Variants in FHIT observed in about 807,000 individuals in gnomAD.
The protein encoded by FHIT is fragile histidine triad diadenosine triphosphatase.
Under a neutral mutation model 17.9 loss-of-function variants are expected in FHIT, and 19 were observed. The ratio of observed to expected loss-of-function variants is 1.06; its 90% CI spans 0.74 to 1.56. FHIT has a LOEUF of 1.56. FHIT is among the 40% of genes most tolerant of loss of function. The probability of loss-of-function intolerance (pLI) is 0.00; values close to 1 mark genes in which losing one functional copy is unlikely to be tolerated. For synonymous variants in FHIT, 81 were observed against 69.7 expected, an observed-to-expected ratio of 1.16 and a Z score of -0.81; for missense variants, 248 against 189.2, an observed-to-expected ratio of 1.31 and a Z score of -1.82.
chr3:60,427,394 CA>C (rs764530179), intron 5 of FHIT, among the ~76,000 whole-genome samples: 18 of 152,084 alleles, frequency 1.2e-4, no homozygotes, highest in Non-Finnish European at 1.9e-4. Context: ...AGTCAACTGA[CA>C]CCTTGATTTC....
chr3:60,801,362 C>T (rs1701180377), intron 4 of FHIT, among the ~76,000 whole-genome samples: 1 of 152,320 alleles, frequency 6.6e-6, no homozygotes, highest in African/African-American at 2.4e-5. Context: ...AACCTGGTTT[C>T]CACAGCGACA....
chr3:61,032,941 G>T (rs2033076889), intron 3 of FHIT, among the ~76,000 whole-genome samples: 1 of 152,162 alleles, frequency 6.6e-6, no homozygotes, highest in Admixed American at 6.5e-5. Flanking sequence ...AGTCCCTTTG[G>T]ATCAAAGGCC....
chr3:60,486,143 C>T (rs1022486144), intron 5 of FHIT, among the ~76,000 whole-genome samples: 1 of 152,014 alleles, frequency 6.6e-6, no homozygotes, highest in Non-Finnish European at 1.5e-5. Context: ...AAAAAGACAC[C>T]ATTTCCTCAA....
chr3:61,038,980 T>A (rs528041832), intron 3 of FHIT, among the ~76,000 whole-genome samples: 1 of 152,290 alleles, frequency 6.6e-6, no homozygotes, highest in East Asian at 1.9e-4. Flanking sequence ...GCCTGCTCTA[T>A]GTGTTAGATA....
At chr3:60,733,768 G>A (rs782215217) in intron 4 of FHIT, among the ~76,000 whole-genome samples, 2 of 152,036 alleles carry the variant, frequency 1.3e-5, no homozygotes, top group Non-Finnish European at 2.9e-5. Context: ...TTCTAATGCC[G>A]AGGACCCTTG....
intron 3 of FHIT, among the ~76,000 whole-genome samples, chr3:61,007,660 T>C (rs1274639264): frequency 1.3e-5 from 2 of 152,138 alleles, no homozygotes; most frequent in Non-Finnish European, 2.9e-5. Flanking sequence ...GGTTCCCTTA[T>C]GCATGCAAAT....
At chr3:59,769,951 G>A (rs1330280223) in intron 8 of FHIT, among the ~76,000 whole-genome samples, 1 of 152,166 alleles carries the variant, frequency 6.6e-6, no homozygotes, top group Non-Finnish European at 1.5e-5. Context: ...AATTCTGATG[G>A]TCAAATGACA....
chr3:59,928,037 C>G (rs78831276), intron 7 of FHIT, among the ~76,000 whole-genome samples: 1 of 151,910 alleles, frequency 6.6e-6, no homozygotes, highest in Admixed American at 6.5e-5. Flanking sequence ...TGGCTCATGG[C>G]GGGGGAAAGA....
chr3:61,106,849 T>G (rs2036005756), intron 2 of FHIT, among the ~76,000 whole-genome samples: 2 of 152,006 alleles, frequency 1.3e-5, no homozygotes, highest in African/African-American at 4.8e-5. Context: ...TTAGTAGAGA[T>G]AGGGTTTCAT....
At chr3:59,896,022 G>T (rs550829674) in intron 8 of FHIT, among the ~76,000 whole-genome samples, 2 of 152,134 alleles carry the variant, frequency 1.3e-5, no homozygotes, top group African/African-American at 4.8e-5. Context: ...AAGTCAACTC[G>T]TCAGAGAAAT....
chr3:60,841,983 C>T (rs1420360168), intron 3 of FHIT, among the ~76,000 whole-genome samples: 5 of 152,064 alleles, frequency 3.3e-5, no homozygotes, highest in African/African-American at 9.7e-5. Flanking sequence ...AGATGTGAAT[C>T]GAACTACATC....
intron 3 of FHIT, among the ~76,000 whole-genome samples, chr3:61,039,530 A>T (rs1246522231): frequency 6.6e-6 from 1 of 152,224 alleles, no homozygotes; most frequent in African/African-American, 2.4e-5. Context: ...GCCATAAAAA[A>T]GGATGACTTC....
At chr3:60,142,446 A>G (rs1700077379) in intron 5 of FHIT, among the ~76,000 whole-genome samples, 1 of 152,118 alleles carries the variant, frequency 6.6e-6, no homozygotes. Context: ...TTTTATTTAT[A>G]TATTTCTTCT....
chr3:60,037,874 C>T (rs1019574228), intron 5 of FHIT, among the ~76,000 whole-genome samples: 6 of 151,664 alleles, frequency 4.0e-5, no homozygotes, highest in Non-Finnish European at 8.8e-5. Flanking sequence ...CTGCCATGCC[C>T]GGCTAATTTT....
At chr3:61,093,244 GGA>G (rs57916294) in intron 2 of FHIT, among the ~76,000 whole-genome samples, 8 of 150,714 alleles carry the variant, frequency 5.3e-5, no homozygotes, top group East Asian at 1.9e-4. Context: ...TTCTATGTAT[GGA>G]GAGAGAGAGA....
intron 7 of FHIT, among the ~76,000 whole-genome samples, chr3:59,987,604 T>C (rs1001070594): frequency 6.6e-6 from 1 of 152,058 alleles, no homozygotes; most frequent in African/African-American, 2.4e-5. Context: ...ACATTATTTG[T>C]TTTTATAAAT....
intron 5 of FHIT, among the ~76,000 whole-genome samples, chr3:60,029,625 C>A (rs1439150139): frequency 6.6e-6 from 1 of 152,154 alleles, no homozygotes; most frequent in Non-Finnish European, 1.5e-5. Context: ...ATGTTACTGT[C>A]TACCTAAATA....
chr3:60,111,377 C>G lies in FHIT; in HGVS notation c.104-97225G>C, dbSNP rs147884163. Among the ~76,000 whole-genome samples, 390 of 152,186 alleles carry G rather than the reference C, an allele frequency of 2.6e-3. 1 individual carries two copies. The highest frequency in any genetic ancestry group is 8.8e-3 in the African/African-American group (366 of 41,524). ...GTAAGACAAACATATGCTTTTCACC[C>G]AAAGGTGCAGTTAAAGAATAACAAC... is the stretch of plus-strand genomic sequence containing the variant. On this transcript the variant is annotated intron_variant, in intron 5 of 9. Transcript: ENST00000492590.
At chr3:60,312,108 T>G (rs1431027053) in intron 5 of FHIT, among the ~76,000 whole-genome samples, 1 of 152,172 alleles carries the variant, frequency 6.6e-6, no homozygotes. Flanking sequence ...TAATTATATA[T>G]GTGTAGGAGT....
Sources: gnomAD v4.1 joint callset for allele counts (sites outside exome capture counted in the v4.1 genomes callset) on GRCh38, gnomAD v4.1.1 for gene constraint, MANE v1.5 for transcripts, NCBI Gene and HGNC (gene_info 2026-07-23, HGNC 2026-07-21) for gene names.